Variants in CCDC149 observed in about 807,000 individuals in gnomAD.
The protein encoded by CCDC149 is coiled-coil domain-containing protein 149.
In CCDC149, 45 loss-of-function variants were observed where a neutral mutation model predicts 59.9. The observed-to-expected ratio is 0.75, with a 90% CI of 0.59 to 0.96. The LOEUF (loss-of-function observed/expected upper bound fraction) is 0.96, where lower values mean the gene tolerates loss of function less well. Ranked by LOEUF, CCDC149 falls within the 40% of genes least tolerant of loss-of-function variation. CCDC149 has a pLI of 0.00. For synonymous variants in CCDC149, 245 were observed against 260.6 expected, an observed-to-expected ratio of 0.94 and a Z score of 0.58; for missense variants, 584 against 664.7, an observed-to-expected ratio of 0.88 and a Z score of 1.33.
chr4:24,840,120 G>T (rs536716440), intron 4 of CCDC149, among the ~76,000 whole-genome samples: 1 of 152,328 alleles, frequency 6.6e-6, no homozygotes, highest in Non-Finnish European at 1.5e-5. Flanking sequence ...AACTTTGAAA[G>T]AAATGATGAC....
rs563290142 is a variant in CCDC149 at position 24,878,567 on chromosome 4, C to A, written c.64-1870G>T. ...AATACCATTTACACACAATTTAACA[C>A]ATCTGCCCTTGTTCCTCCAGTTCTT... On this transcript the variant is annotated intron_variant, in intron 1 of 12. Coordinates refer to ENST00000635206, the MANE Select transcript of CCDC149 (RefSeq NM_001330643.2). Among the ~76,000 whole-genome samples the A allele has an allele frequency of 5.9e-5, 9 of 152,348 alleles. No homozygotes were observed. In the South Asian group the frequency reaches 1.9e-3, roughly 32 times the overall value.
At chr4:24,947,271 C>T (rs919005292) in intron 1 of CCDC149, among the ~76,000 whole-genome samples, 1 of 152,032 alleles carries the variant, frequency 6.6e-6, no homozygotes, top group African/African-American at 2.4e-5. Context: ...GGGTGGTTAC[C>T]CTCATGCTGT....
intron 1 of CCDC149, among the ~76,000 whole-genome samples, chr4:24,965,856 G>A (rs1048317287): frequency 3.9e-5 from 6 of 152,330 alleles, no homozygotes; most frequent in East Asian, 1.9e-4. Context: ...GAGTGCAGGC[G>A]CAAAACCCCG....
At chr4:24,817,681 G>T (rs1186237061) in intron 12 of CCDC149, among the ~76,000 whole-genome samples, 1 of 151,030 alleles carries the variant, frequency 6.6e-6, no homozygotes, top group Non-Finnish European at 1.5e-5. Context: ...AGCTCAGCAA[G>T]GCTCCCTCAT....
At chr4:24,956,392 T>C (rs1723466360) in intron 1 of CCDC149, among the ~76,000 whole-genome samples, 1 of 151,694 alleles carries the variant, frequency 6.6e-6, no homozygotes, top group Non-Finnish European at 1.5e-5. Flanking sequence ...TTCTGACTCT[T>C]CTCCAGCCTA....
At chr4:24,821,371 A>C (rs1715382675) in intron 10 of CCDC149, among the ~76,000 whole-genome samples, 1 of 152,242 alleles carries the variant, frequency 6.6e-6, no homozygotes, top group Non-Finnish European at 1.5e-5. Context: ...GCAATAAAAG[A>C]AAGGCCTTCC....
chr4:24,936,143 G>A (rs1356141471), intron 1 of CCDC149, among the ~76,000 whole-genome samples: 1 of 152,122 alleles, frequency 6.6e-6, no homozygotes, highest in Non-Finnish European at 1.5e-5. Flanking sequence ...AGGGAAAAAA[G>A]AACTGATGAG....
At chr4:24,931,026 C>T (rs1389922864) in intron 1 of CCDC149, among the ~76,000 whole-genome samples, 1 of 151,812 alleles carries the variant, frequency 6.6e-6, no homozygotes, top group East Asian at 1.9e-4. Flanking sequence ...CCTCTTGCCT[C>T]GTGGAATAAA....
At chr4:24,848,477 G>C (rs538701979) in intron 4 of CCDC149, among the ~76,000 whole-genome samples, 41 of 152,244 alleles carry the variant, frequency 2.7e-4, no homozygotes, top group Non-Finnish European at 4.3e-4. Flanking sequence ...GCTGAGGCAG[G>C]AGAATCGCTT....
intron 1 of CCDC149, among the ~76,000 whole-genome samples, chr4:24,926,670 C>T (rs1722439775): frequency 6.6e-6 from 1 of 152,192 alleles, no homozygotes; most frequent in African/African-American, 2.4e-5. Context: ...TTTTATTATT[C>T]TCACAGATTA....
intron 1 of CCDC149, among the ~76,000 whole-genome samples, chr4:24,922,359 A>G (rs907523310): frequency 6.6e-6 from 1 of 152,160 alleles, no homozygotes; most frequent in South Asian, 2.1e-4. Flanking sequence ...ATGCATCACC[A>G]TTCCAAGACT....
chr4:24,849,507 G>A (rs775359186), intron 4 of CCDC149, among the ~76,000 whole-genome samples: 2 of 152,118 alleles, frequency 1.3e-5, no homozygotes, highest in Non-Finnish European at 2.9e-5. Context: ...ATCACAGGAC[G>A]CCCATGTTGG....
intron 1 of CCDC149, among the ~76,000 whole-genome samples, chr4:24,912,528 C>T (rs945916759): frequency 2.6e-5 from 4 of 152,116 alleles, no homozygotes; most frequent in Non-Finnish European, 5.9e-5. Context: ...CTTCTGCTCC[C>T]GGATCCCAGG....
intron 1 of CCDC149, chr4:24,894,998 A>G: frequency 6.5e-7 from 1 of 1,536,302 alleles, no homozygotes; most frequent in Non-Finnish European, 8.7e-7. Flanking sequence ...ATACCTCAGA[A>G]TCCCAAGTGG....
At chr4:24,943,985 A>G (rs1723026331) in intron 1 of CCDC149, among the ~76,000 whole-genome samples, 1 of 152,216 alleles carries the variant, frequency 6.6e-6, no homozygotes, top group Non-Finnish European at 1.5e-5. Flanking sequence ...TGTGGAAGTC[A>G]GTGTGGCGAT....
In CCDC149 at chr4:24,942,464, G is replaced by A. The variant is rs1349973387; in HGVS notation, c.-65+37605C>T. On this transcript the variant is annotated intron_variant, in intron 1 of 12. Coordinates refer to the CCDC149 transcript ENST00000389609. Reference sequence around the variant, plus strand: ...CATACTGAATGGACAAAATCTGGAAGCATTTCCTTTGAAAACTGGCACAAG... The same window carrying A: ...CATACTGAATGGACAAAATCTGGAAACATTTCCTTTGAAAACTGGCACAAG... Among the ~76,000 whole-genome samples the A allele has an allele frequency of 3.3e-5, 5 of 152,292 alleles. No homozygotes were observed. The East Asian group carries it at 9.6e-4, about 29-fold the overall frequency.
chr4:24,815,138 C>T (rs1453624354), intron 12 of CCDC149, among the ~76,000 whole-genome samples: 2 of 152,160 alleles, frequency 1.3e-5, no homozygotes, highest in African/African-American at 4.8e-5. Flanking sequence ...ATGCATGAAT[C>T]CATGAATATA....
chr4:24,925,124 C>T (rs917572057), intron 1 of CCDC149, among the ~76,000 whole-genome samples: 25 of 152,138 alleles, frequency 1.6e-4, no homozygotes, highest in African/African-American at 6.0e-4. Context: ...GAGATTAGTT[C>T]TCTGTCCCTT....
chr4:24,819,138 T>G (rs1560200342), intron 12 of CCDC149, among the ~76,000 whole-genome samples: 2 of 152,346 alleles, frequency 1.3e-5, no homozygotes, highest in East Asian at 3.9e-4. Flanking sequence ...CTTTTCTCTC[T>G]ATTCTACTGC....
Sources: gnomAD v4.1 joint callset for allele counts (sites outside exome capture counted in the v4.1 genomes callset) on GRCh38, gnomAD v4.1.1 for gene constraint, MANE v1.5 for transcripts, NCBI Gene and HGNC (gene_info 2026-07-23, HGNC 2026-07-21) for gene names.